Variants in SLC22A11 observed in about 807,000 individuals in gnomAD.
The protein encoded by SLC22A11 is solute carrier family 22 member 11.
In SLC22A11, 42 loss-of-function variants were observed where a neutral mutation model predicts 49.4. The ratio of observed to expected loss-of-function variants is 0.85; its 90% CI spans 0.66 to 1.10. The LOEUF is 1.10. Ranked by LOEUF, SLC22A11 falls within the 50% of genes least tolerant of loss-of-function variation. The pLI, the probability that SLC22A11 is intolerant of heterozygous loss-of-function variation, is 0.00. For synonymous variants in SLC22A11, 304 were observed against 315.8 expected (o/e 0.96, Z 0.40); for missense variants, 685 against 731.6 (o/e 0.94, Z 0.74).
Position 64,571,981 on chromosome 11 carries a change from A to T in SLC22A11, c.*939A>T, listed in dbSNP as rs2038710958. ...GCGAGAAACGGAGCCTTACAAGCGTAGGGATAAGAGGAACCCCTCTTGGTC... is the reference window on the plus strand; with the variant it reads ...GCGAGAAACGGAGCCTTACAAGCGTTGGGATAAGAGGAACCCCTCTTGGTC... On this transcript the variant is annotated 3_prime_UTR_variant, in exon 10 of 10. Coordinates refer to ENST00000301891, the MANE Select transcript of SLC22A11 (RefSeq NM_018484.4). 6.6e-6 allele frequency: 1 copy of T among 152,242 alleles called. No homozygotes were observed. The highest frequency in any genetic ancestry group is 1.9e-4 in the East Asian group (1 of 5,178). 9.4% of individuals were successfully genotyped at this position (152,242 alleles called of 1,614,324 possible). A position where few individuals can be genotyped will look rare whatever the true frequency, so the allele number is the denominator to read the frequency against.
chr11:64,556,624 G>A (rs2038465408), intron 1 of SLC22A11, among the ~76,000 whole-genome samples: 1 of 152,174 alleles, frequency 6.6e-6, no homozygotes, highest in Non-Finnish European at 1.5e-5. Context: ...TCTGAATGCT[G>A]GCATCTGGAC....
At chr11:64,556,715 G>C (rs766852533) in intron 1 of SLC22A11, among the ~76,000 whole-genome samples, 1 of 152,122 alleles carries the variant, frequency 6.6e-6, no homozygotes, top group Non-Finnish European at 1.5e-5. Context: ...GGGAAATCAG[G>C]GGTAAGGGGG....
In SLC22A11 at chr11:64,565,187, C is replaced by T. The variant is rs1364666089; in HGVS notation, c.943-35C>T. The T allele has an allele frequency of 6.8e-7, 1 of 1,462,592 alleles. No homozygotes were observed. Among genetic ancestry groups the T allele is most frequent in the Non-Finnish European group, 9.2e-7 (1 of 1,082,242 alleles). 90.6% of individuals were successfully genotyped at this position (1,462,592 alleles called of 1,614,324 possible). On this transcript the variant is annotated intron_variant, in intron 5 of 9. Coordinates refer to ENST00000301891, the MANE Select transcript of SLC22A11 (RefSeq NM_018484.4). The surrounding 1 kb of genome is among the most constrained non-coding windows in gnomAD (Gnocchi z 4.1). Reference sequence around the variant, plus strand: ...ACAGGGGGTGGGGCAGGGCCATTGCCCTACCATTCACGGTGCCCCCATTCT... The same window carrying T: ...ACAGGGGGTGGGGCAGGGCCATTGCTCTACCATTCACGGTGCCCCCATTCT...
rs753963071 is a variant in SLC22A11, at chr11:64,564,267, G to T, written c.822-41G>T. ...CCTTTCCACCCCGCCCCGGGGGAGA[G>T]CCCAGCGTGCACTCCCAGCTACACA... On this transcript the variant is annotated intron_variant, in intron 4 of 9. Transcript: ENST00000301891. The surrounding 1 kb of genome is among the most constrained non-coding windows in gnomAD (Gnocchi z 4.2). 1.9e-6 allele frequency: 3 copies of T among 1,611,832 alleles called. No homozygotes were observed. In the South Asian group the frequency reaches 3.3e-5, roughly 18 times the overall value.
In SLC22A11 at chr11:64,565,655, C is replaced by A; in HGVS notation, c.1058+318C>A. 2.2e-6 allele frequency: 1 copy of A among 459,914 alleles called. No homozygotes were observed. Among genetic ancestry groups the A allele is most frequent in the South Asian group, 1.7e-5 (1 of 58,812 alleles). 28.5% of individuals were successfully genotyped at this position (459,914 alleles called of 1,614,324 possible). On this transcript the variant is annotated intron_variant, in intron 6 of 9. Coordinates refer to ENST00000301891, the MANE Select transcript of SLC22A11 (RefSeq NM_018484.4). The surrounding 1 kb of genome is among the most constrained non-coding windows in gnomAD (Gnocchi z 4.1). ...AGCCAGGGTCCCTAGAGCCAGGGGA[C>A]CAGCCACGGCCGAGGAGTACCACTG...
chr11:64,568,848 A>T, intron 8 of SLC22A11, 70 bp downstream of exon 8: 3 of 1,413,960 alleles, frequency 2.1e-6, no homozygotes, highest in Non-Finnish European at 3.0e-6. Flanking sequence ...GAAGGGAAAG[A>T]AGGGTCTGGC....
At chr11:64,556,446 T>C (rs1349344890) in intron 1 of SLC22A11, 54 bp downstream of exon 1, 1 of 1,583,998 alleles carries the variant, frequency 6.3e-7, no homozygotes, top group Non-Finnish European at 8.5e-7. Context: ...GTCAGAGTCA[T>C]GGATCAGGTT....
Position 64,562,100 on chromosome 11 carries a change from C to A in SLC22A11, c.594C>A (p.Gly198=), listed in dbSNP as rs373523316. 9 of 1,613,922 alleles carry A rather than the reference C, an allele frequency of 5.6e-6. No homozygotes were observed. Among genetic ancestry groups the A allele is most frequent in the Non-Finnish European group, 6.8e-6 (8 of 1,180,024 alleles). The change falls in exon 3 of 10, where the codon GGC becomes GGA. Residue 198 remains glycine, a synonymous_variant. Transcript: ENST00000301891. The surrounding 1 kb of genome is among the most constrained non-coding windows in gnomAD (Gnocchi z 4.4). ...IFAPTFVIYC[G]LRFVAAFGMA... is the part of the protein sequence containing the mutation. ...CCCCAACATTCGTCATCTACTGCGG[C>A]CTGCGGTTCGTGGCCGCTTTTGGGA...
chr11:64,565,371 G>T lies in SLC22A11; in HGVS notation c.1058+34G>T, dbSNP rs2038610061. On this transcript the variant is annotated intron_variant, in intron 6 of 9. Coordinates refer to ENST00000301891, the MANE Select transcript of SLC22A11 (RefSeq NM_018484.4). The surrounding 1 kb of genome is among the most constrained non-coding windows in gnomAD (Gnocchi z 4.1). ...TCCTGGTGTCCCTCCCCAAGGCAGG[G>T]CTGGGACAGGCAGGAGGCAGAGCTG... 2.0e-6 allele frequency: 3 copies of T among 1,522,180 alleles called. No individual in the cohort carries two copies. The highest frequency in any genetic ancestry group is 2.0e-5 in the Admixed American group (1 of 50,938). 94.3% of individuals were successfully genotyped at this position (1,522,180 alleles called of 1,614,324 possible). A position where few individuals can be genotyped will look rare whatever the true frequency, so the allele number is the denominator to read the frequency against.
At chr11:64,560,864 A>T (rs1350929511) in intron 2 of SLC22A11, among the ~76,000 whole-genome samples, 1 of 152,168 alleles carries the variant, frequency 6.6e-6, no homozygotes, top group Non-Finnish European at 1.5e-5. Flanking sequence ...CTGGGGTCTG[A>T]CTACCTGGGT....
chr11:64,560,663 C>T (rs1003038205), intron 2 of SLC22A11, among the ~76,000 whole-genome samples: 2 of 152,256 alleles, frequency 1.3e-5, no homozygotes, highest in African/African-American at 4.8e-5. Context: ...CCTTGCTTCC[C>T]TCATCACAGT....
At chr11:64,556,858 G>A (rs2093462595) in intron 1 of SLC22A11, among the ~76,000 whole-genome samples, 1 of 152,164 alleles carries the variant, frequency 6.6e-6, no homozygotes, top group Admixed American at 6.5e-5. Context: ...TTGCTAAACT[G>A]ATTCAGCAGG....
intron 2 of SLC22A11, 126 bp downstream of exon 2, chr11:64,559,364 G>A: frequency 1.4e-6 from 1 of 738,514 alleles, no homozygotes; most frequent in Non-Finnish European, 2.1e-6. Flanking sequence ...TGCCTCCTCT[G>A]TTTCTTCCCT....
intron 2 of SLC22A11, among the ~76,000 whole-genome samples, chr11:64,561,110 C>T (rs1383963693): frequency 2.6e-5 from 4 of 152,240 alleles, no homozygotes; most frequent in Non-Finnish European, 5.9e-5. Flanking sequence ...TTGAGTGGCA[C>T]TAAATGCAAT....
chr11:64,559,082 A>G lies in SLC22A11; in HGVS notation c.394-53A>G, dbSNP rs2038504356. On this transcript the variant is annotated intron_variant, in intron 1 of 9. Transcript: ENST00000301891. The stretch of plus-strand genomic sequence containing the variant: ...GGTCAGGCGTTCCTCGGCCGTGCCC[A>G]GCCCTGTGATTTCATACCCCCCGAG... The G allele has an allele frequency of 2.2e-5, 34 of 1,515,668 alleles. No homozygotes were observed. In the South Asian group the frequency reaches 3.7e-4, roughly 16 times the overall value. 93.9% of individuals were successfully genotyped at this position (1,515,668 alleles called of 1,614,324 possible). A position where few individuals can be genotyped will look rare whatever the true frequency, so the allele number is the denominator to read the frequency against.
chr11:64,558,598 G>A (rs1487381664), intron 1 of SLC22A11, among the ~76,000 whole-genome samples: 6 of 152,196 alleles, frequency 3.9e-5, no homozygotes, highest in East Asian at 3.9e-4. Flanking sequence ...CCGTGACTCC[G>A]TCTCTAGAGG....
intron 1 of SLC22A11, among the ~76,000 whole-genome samples, chr11:64,557,081 A>G (rs1319484958): frequency 1.3e-5 from 2 of 152,204 alleles, no homozygotes; most frequent in Admixed American, 1.3e-4. Context: ...GAATTCACTC[A>G]GTTGACATTT....
In SLC22A11 at chr11:64,562,451, G is replaced by T; in HGVS notation, c.821+16G>T. On this transcript the variant is annotated intron_variant, in intron 4 of 9. Coordinates refer to ENST00000301891, the MANE Select transcript of SLC22A11 (RefSeq NM_018484.4). The surrounding 1 kb of genome is among the most constrained non-coding windows in gnomAD (Gnocchi z 4.4). The stretch of plus-strand genomic sequence containing the variant: ...TGATATCCTGGTCAGTATGATGTGG[G>T]ACCTTTTCCTTAGGAGACCCAGGGT... 1 of 1,532,100 alleles carries T rather than the reference G, an allele frequency of 6.5e-7. No individual in the cohort carries two copies. The highest frequency in any genetic ancestry group is 8.8e-7 in the Non-Finnish European group (1 of 1,140,196). 94.9% of individuals were successfully genotyped at this position (1,532,100 alleles called of 1,614,324 possible). A position where few individuals can be genotyped will look rare whatever the true frequency, so the allele number is the denominator to read the frequency against.
chr11:64,562,140 C>G lies in SLC22A11; in HGVS notation c.634C>G (p.Leu212Val), dbSNP rs201238943. Residue 212 changes from leucine (L) to valine (V), a missense_variant, in exon 3 of 10, where the codon CTG becomes GTG. By Grantham distance (32) the Leu-to-Val change is conservative. Transcript: ENST00000301891. This position sits in a 1 kb window ranked among gnomAD's most constrained non-coding sequence, Gnocchi z 4.4. The stretch of plus-strand genomic sequence containing the variant: ...CGCTTTTGGGATGGCCGGCATCTTT[C>G]TGAGTTCACTGACACTGAGTGAGTC... ...VAAFGMAGIF[L>V]SSLTLMVEWT... 1.9e-6 allele frequency: 3 copies of G among 1,613,760 alleles called. No individual in the cohort carries two copies. In the East Asian group the frequency reaches 6.7e-5, roughly 36 times the overall value.
Sources: allele counts gnomAD v4.1 joint callset (sites outside exome capture counted in the v4.1 genomes callset), GRCh38; gene constraint gnomAD v4.1.1; non-coding constraint Gnocchi (gnomAD v3.1); transcripts MANE v1.5; gene names NCBI Gene and HGNC (gene_info 2026-07-23, HGNC 2026-07-21).